Variants in NRG1 observed in about 807,000 individuals in gnomAD.
The protein encoded by NRG1 is pro-neuregulin-1, membrane-bound isoform.
A neutral mutation model predicts 63.8 loss-of-function variants in NRG1; 18 were observed. The observed-to-expected ratio is 0.28, with a 90% confidence interval of 0.19 to 0.42. The LOEUF is 0.42. NRG1 is among the 10% of genes least tolerant of loss of function. NRG1 has a pLI of 1.00. For synonymous variants in NRG1, 302 were observed against 301.3 expected, an observed-to-expected ratio of 1.00 and a Z score of -0.02; for missense variants, 762 against 814.7, an observed-to-expected ratio of 0.94 and a Z score of 0.79.
chr8:31,664,962 T>C (rs1429576707), intron 1 of NRG1, among the ~76,000 whole-genome samples: 4 of 152,198 alleles, frequency 2.6e-5, no homozygotes, highest in Non-Finnish European at 5.9e-5. Context: ...AAATGTCAAA[T>C]GAACAGGTCA....
intron 1 of NRG1, among the ~76,000 whole-genome samples, chr8:32,133,182 G>A (rs773321829): frequency 6.6e-5 from 10 of 152,072 alleles, no homozygotes; most frequent in Non-Finnish European, 1.3e-4. Context: ...CTATGCACAT[G>A]TTTTTATAAT....
chr8:32,673,546 G>T (rs1329578552), intron 5 of NRG1, among the ~76,000 whole-genome samples: 1 of 152,084 alleles, frequency 6.6e-6, no homozygotes, highest in African/African-American at 2.4e-5. Context: ...AGATTAAATA[G>T]CAAGTTGTAA....
At chr8:32,652,793 T>TG (rs1388888566) in intron 5 of NRG1, among the ~76,000 whole-genome samples, 1 of 152,212 alleles carries the variant, frequency 6.6e-6, no homozygotes, top group Non-Finnish European at 1.5e-5. Context: ...TTTCTGTTTT[T>TG]GGACATCAGC....
At chr8:32,283,029 T>C (rs1853066995) in intron 1 of NRG1, among the ~76,000 whole-genome samples, 1 of 152,214 alleles carries the variant, frequency 6.6e-6, no homozygotes, top group Non-Finnish European at 1.5e-5. Flanking sequence ...TCTGAAATCT[T>C]AGAATTGAGT....
chr8:31,876,579 A>T (rs746623040), intron 1 of NRG1, among the ~76,000 whole-genome samples: 2 of 152,226 alleles, frequency 1.3e-5, no homozygotes, highest in African/African-American at 4.8e-5. Flanking sequence ...TAACACTATT[A>T]GTTATGGAGT....
At chr8:32,280,756 ATTTTTTTTTTTT>A (rs577848038) in intron 1 of NRG1, among the ~76,000 whole-genome samples, 1 of 31,878 alleles carries the variant, frequency 3.1e-5, no homozygotes, top group Non-Finnish European at 5.6e-5. Context: ...TTGTCCTTTC[ATTTTTTTTTTTT>A]TTTTTTTTTT....
At chr8:32,241,669 T>A (rs552153742) in intron 1 of NRG1, among the ~76,000 whole-genome samples, 2 of 152,284 alleles carry the variant, frequency 1.3e-5, no homozygotes, top group Admixed American at 6.5e-5. Context: ...TAGGGTTCAT[T>A]GTTACAGTTT....
intron 5 of NRG1, among the ~76,000 whole-genome samples, chr8:32,676,341 G>A (rs555490666): frequency 2.0e-5 from 3 of 152,316 alleles, no homozygotes; most frequent in South Asian, 4.1e-4. Context: ...TTGCACACTT[G>A]GAAAGGTGGA....
chr8:32,319,391 A>T (rs1801120627), intron 1 of NRG1, among the ~76,000 whole-genome samples: 1 of 152,184 alleles, frequency 6.6e-6, no homozygotes, highest in Non-Finnish European at 1.5e-5. Context: ...CTTGGGATGC[A>T]GAAGGATCTG....
Position 31,859,505 on chromosome 8 carries a change from A to G in NRG1, c.37+220074A>G, listed in dbSNP as rs118068652. On this transcript the variant is annotated intron_variant, in intron 1 of 10. Transcript: ENST00000519301. ...GTATACCTAACATAGGAAATACTATATATATTTGGCCGCTGAAGTGCTATA... is the reference window on the plus strand; with the variant it reads ...GTATACCTAACATAGGAAATACTATGTATATTTGGCCGCTGAAGTGCTATA... Among the ~76,000 whole-genome samples the G allele has an allele frequency of 2.6e-4, 39 of 152,334 alleles. 1 individual carries two copies. The East Asian group carries it at 7.1e-3, about 28-fold the overall frequency.
intron 4 of NRG1, among the ~76,000 whole-genome samples, chr8:32,614,827 G>A (rs540106760): frequency 6.6e-6 from 1 of 152,070 alleles, no homozygotes; most frequent in Non-Finnish European, 1.5e-5. Context: ...ATGACATTAA[G>A]CAAGTAAAGG....
intron 1 of NRG1, among the ~76,000 whole-genome samples, chr8:32,530,257 G>A (rs1020105523): frequency 3.3e-5 from 5 of 152,090 alleles, no homozygotes; most frequent in South Asian, 2.1e-4. Flanking sequence ...ACAGGTGCCC[G>A]CCACCACGCC....
At chr8:32,205,116 C>T (rs1021529549) in intron 1 of NRG1, among the ~76,000 whole-genome samples, 4 of 152,014 alleles carry the variant, frequency 2.6e-5, no homozygotes, top group Admixed American at 6.6e-5. Context: ...ATATAAATGG[C>T]TTAGAGGCTT....
chr8:32,454,523 A>C (rs562324504), intron 1 of NRG1, among the ~76,000 whole-genome samples: 3 of 151,542 alleles, frequency 2.0e-5, no homozygotes, highest in African/African-American at 4.8e-5. Flanking sequence ...AAGAAAAAAA[A>C]CCGACATTGG....
chr8:32,232,244 G>A (rs1847035382), intron 1 of NRG1, among the ~76,000 whole-genome samples: 1 of 152,078 alleles, frequency 6.6e-6, no homozygotes, highest in Non-Finnish European at 1.5e-5. Context: ...TCAAATCATT[G>A]AAGATGCTCT....
At chr8:31,824,492 G>A (rs1366592401) in intron 1 of NRG1, among the ~76,000 whole-genome samples, 2 of 152,078 alleles carry the variant, frequency 1.3e-5, no homozygotes, top group African/African-American at 2.4e-5. Context: ...AGAGTTGGAG[G>A]TTGCTCCTAC....
In NRG1 at chr8:32,087,482, C is replaced by CTTTTTTTTTTTTTTTTTT. The variant is rs67438409; in HGVS notation, c.37+448068_37+448069insTTTTTTTTTTTTTTTTTT. 4.2e-4 allele frequency among the ~76,000 whole-genome samples: 38 copies of CTTTTTTTTTTTTTTTTTT among 90,272 alleles called. 1 individual carries two copies. The highest frequency in any genetic ancestry group is 7.3e-4 in the Non-Finnish European group (35 of 48,218). 59.2% of individuals were successfully genotyped at this position (90,272 alleles called of 152,430 possible). A position where few individuals can be genotyped will look rare whatever the true frequency, so the allele number is the denominator to read the frequency against. On this transcript the variant is annotated intron_variant, in intron 1 of 10. Coordinates refer to the NRG1 transcript ENST00000519301. ...CCAGCCTCAGGTATTTCTTTTCTTT[C>CTTTTTTTTTTTTTTTTTT]TTTTTTTTTTTTTTTTTGAGATGGA... is the stretch of plus-strand genomic sequence containing the variant.
At chr8:32,753,023 G>A in intron 7 of NRG1, among the ~76,000 whole-genome samples, 1 of 152,120 alleles carries the variant, frequency 6.6e-6, no homozygotes, top group East Asian at 1.9e-4. Context: ...TCTCTCAAAA[G>A]AGAAAAAGGT....
rs1820763480 is a variant in NRG1 at position 32,721,986 on chromosome 8, T to A, written c.503-5963T>A. 10 of 1,546,308 alleles carry A rather than the reference T, an allele frequency of 6.5e-6. No individual in the cohort carries two copies. In the Middle Eastern group the frequency reaches 5.0e-4, roughly 78 times the overall value. On this transcript the variant is annotated intron_variant, in intron 5 of 11. Coordinates refer to ENST00000356819, the Ensembl canonical transcript of NRG1. ...TAATTTCAGATTTTTTAACTGGACT[T>A]CAAAGAGCAGGAAAGTATGCAGATT...
Sources: gnomAD v4.1 joint callset for allele counts (sites outside exome capture counted in the v4.1 genomes callset) on GRCh38, gnomAD v4.1.1 for gene constraint, MANE v1.5 for transcripts, NCBI Gene and HGNC (gene_info 2026-07-23, HGNC 2026-07-21) for gene names.